The following MXRA5 variants were observed in gnomAD, a reference collection of about 807,000 sequenced individuals.
MXRA5 encodes the protein matrix-remodeling-associated protein 5.
A neutral mutation model predicts 112.5 loss-of-function variants in MXRA5; 41 were observed. The observed-to-expected ratio is 0.36, with a 90% CI of 0.28 to 0.47. MXRA5 has a LOEUF of 0.47. Among genes scored for constraint, MXRA5 ranks in the 20% least tolerant of loss-of-function variants. The pLI, the probability that MXRA5 is intolerant of heterozygous loss-of-function variation, is 0.99. For synonymous variants in MXRA5, 862 were observed against 900.8 expected (o/e 0.96, Z 0.77); for missense variants, 2,150 against 2,251.0 (o/e 0.96, Z 0.91).
Position 3,324,092 on chromosome X carries a change from C to A in MXRA5, c.1593G>T (p.Lys531Asn). Residue 531 changes from lysine to asparagine, a missense_variant, in exon 5 of 7, where the codon AAG (lysine) becomes AAT (asparagine). Around this residue, in one of 6 missense-constraint regions of MXRA5, gnomAD observed 386 missense variants for 411.0 expected, o/e 0.94. Transcript: ENST00000217939. ...LKAPMDDPDS[K>N]FSILSSGWLR... ...GCCAGCCACTGCTGAGAATGGAGAA[C>A]TTGCTGTCTGGGTCATCCATGGGCG... The A allele has an allele frequency of 1.7e-6, 2 of 1,209,455 alleles. No individual in the cohort carries two copies. The highest frequency in any genetic ancestry group is 2.2e-6 in the Non-Finnish European group (2 of 894,409).
At chrX:3,339,369 A>C (rs1186119597) in intron 2 of MXRA5, among the ~76,000 whole-genome samples, 5 of 110,691 alleles carry the variant, frequency 4.5e-5, no homozygotes, top group Admixed American at 2.9e-4. Flanking sequence ...GGTTCACGCC[A>C]TTCTCCTGCC....
intron 5 of MXRA5, among the ~76,000 whole-genome samples, chrX:3,319,052 A>G (rs1257458284): frequency 1.8e-5 from 2 of 110,901 alleles, no homozygotes; most frequent in Admixed American, 9.6e-5. Flanking sequence ...GGTGGTTACC[A>G]GGGGCTGGGG....
intron 5 of MXRA5, 62 bp from the exon 6 acceptor site, chrX:3,318,065 G>T: frequency 1.0e-6 from 1 of 954,284 alleles, no homozygotes. Flanking sequence ...ATGCTCAAAC[G>T]AGCAGTATTA....
chrX:3,346,092 C>T (rs757278318), intron 1 of MXRA5, among the ~76,000 whole-genome samples: 1 of 111,672 alleles, frequency 9.0e-6, no homozygotes, highest in South Asian at 3.8e-4. Flanking sequence ...GAAAGAGGCT[C>T]CTCAAGCGTC....
In MXRA5 at chrX:3,317,088, C is replaced by T. The variant is rs1329087306; in HGVS notation, c.6578+15G>A. 8.9e-7 allele frequency: 1 copy of T among 1,129,588 alleles called. No individual in the cohort carries two copies. 93.1% of individuals were successfully genotyped at this position (1,129,588 alleles called of 1,213,427 possible). A position where few individuals can be genotyped will look rare whatever the true frequency, so the allele number is the denominator to read the frequency against. On this transcript the variant is annotated intron_variant, in intron 6 of 6. Transcript: ENST00000217939. ...CAGCCCAGCGATTTACAGGAAGCCA[C>T]GCAGAGCTGCCTACCTGAAGAGCGC...
At chrX:3,319,335 G>A (rs989646960) in intron 5 of MXRA5, among the ~76,000 whole-genome samples, 3 of 112,490 alleles carry the variant, frequency 2.7e-5, no homozygotes, top group African/African-American at 9.7e-5. Context: ...AGCAAATGTG[G>A]GTTTAATAGA....
intron 2 of MXRA5, among the ~76,000 whole-genome samples, chrX:3,338,390 CAGAT>C (rs375943068): frequency 3.2e-3 from 349 of 108,972 alleles, no homozygotes; most frequent in African/African-American, 9.8e-3. Flanking sequence ...GATAGATAGA[CAGAT>C]AGATAGATAG....
intron 6 of MXRA5, among the ~76,000 whole-genome samples, chrX:3,315,417 AT>A (rs1921089856): frequency 1.6e-5 from 1 of 62,766 alleles, no homozygotes; most frequent in Non-Finnish European, 3.1e-5. Context: ...AGATAGATAG[AT>A]AGAACCTTTC....
chrX:3,320,635 G>T lies in MXRA5; in HGVS notation c.5050C>A (p.Pro1684Thr), dbSNP rs1381540891. ...GTTCTTCGGTCAGTAAACTTACTAG[G>T]AATGCTGGGTTTGGACATGTGCAAT... ...LPLHMSKPSI[P>T]SKFTDRRTDQ... Residue 1684 changes from proline (P) to threonine (T), a missense_variant, in exon 5 of 7, where the codon CCT becomes ACT. By Grantham distance (38) the Pro-to-Thr change is conservative. Transcript: ENST00000217939. 1 of 1,211,798 alleles carries T rather than the reference G, an allele frequency of 8.3e-7. No individual in the cohort carries two copies. The highest frequency in any genetic ancestry group is 1.1e-6 in the Non-Finnish European group (1 of 895,343).
chrX:3,337,208 G>A (rs961466270), intron 2 of MXRA5, among the ~76,000 whole-genome samples: 1 of 111,627 alleles, frequency 9.0e-6, no homozygotes, highest in Non-Finnish European at 1.9e-5. Flanking sequence ...AATATTCCGT[G>A]GTGGACAACT....
chrX:3,317,309 G>A lies in MXRA5; in HGVS notation c.6372C>T (p.Ala2124=), dbSNP rs761139599. Residue 2124 remains alanine, a synonymous_variant, in exon 6 of 7, where the codon GCC becomes GCT. Transcript: ENST00000217939. ...TGCGCGCGGAGCCTACCAGGTTGGC[G>A]GCCACGCACTCATAGCGCCCGCTGT... ...PKDSGRYECV[A]ANLVGSARRT... 1.7e-6 allele frequency: 2 copies of A among 1,205,231 alleles called. No individual in the cohort carries two copies. The highest frequency in any genetic ancestry group is 1.1e-6 in the Non-Finnish European group (1 of 891,659).
Position 3,323,319 on chromosome X carries a change from T to C in MXRA5, c.2366A>G (p.Lys789Arg). ...NPERWADILAKVRGKNLPKGT... is the reference protein window; with the variant it reads ...NPERWADILARVRGKNLPKGT... ...CTTAGGGAGATTTTTCCCACGGACT[T>C]TGGCTAAAATATCAGCCCAGCGCTC... The change falls in exon 5 of 7, where the codon AAA becomes AGA. Residue 789 changes from lysine (K) to arginine (R), a missense_variant. Physicochemically the swap from Lys to Arg is conservative, Grantham distance 26. Coordinates refer to ENST00000217939, the MANE Select transcript of MXRA5 (RefSeq NM_015419.4). 1 of 1,211,813 alleles carries C rather than the reference T, an allele frequency of 8.3e-7. No homozygotes were observed. The highest frequency in any genetic ancestry group is 1.1e-6 in the Non-Finnish European group (1 of 895,541).
rs1371383633 is a variant in MXRA5 at position 3,334,181 on chromosome X, C to T, written c.189-3408G>A. 9.9e-5 allele frequency among the ~76,000 whole-genome samples: 11 copies of T among 111,312 alleles called. 1 individual carries two copies. The Admixed American group carries it at 1.1e-3, about 11-fold the overall frequency. On this transcript the variant is annotated intron_variant, in intron 2 of 6. Coordinates refer to ENST00000217939, the MANE Select transcript of MXRA5 (RefSeq NM_015419.4). ...ATTTTTAGTAGAGATGGGGTTTCAC[C>T]ATGTTGCCCGAGCTGGTCTTGACCT...
Position 3,323,639 on chromosome X carries a change from G to A in MXRA5, c.2046C>T (p.Arg682=). The change falls in exon 5 of 7, where the codon CGC becomes CGT. Residue 682 remains arginine, a synonymous_variant. Transcript: ENST00000217939. ...GSGLPSKRGR[R]PGAKALSRVR... ...CTCTGGAAAGAGCCTTTGCACCTGG[G>A]CGTCTGCCTCTTTTGGATGGCAAGC... 5 of 1,210,761 alleles carry A rather than the reference G, an allele frequency of 4.1e-6. No individual in the cohort carries two copies. Among genetic ancestry groups the A allele is most frequent in the Non-Finnish European group, 5.6e-6 (5 of 894,968 alleles).
intron 2 of MXRA5, among the ~76,000 whole-genome samples, chrX:3,333,835 GCATT>G (rs968114736): frequency 2.7e-5 from 3 of 111,801 alleles, no homozygotes; most frequent in African/African-American, 9.8e-5. Context: ...AGAAAGAGGT[GCATT>G]TTTTCCAATC....
At chrX:3,315,399 A>AGAT (rs1555943441) in intron 6 of MXRA5, among the ~76,000 whole-genome samples, 2 of 50,370 alleles carry the variant, frequency 4.0e-5, no homozygotes, top group African/African-American at 1.4e-4. Context: ...GATGATAGAT[A>AGAT]GATAGATAGA....
At chrX:3,326,628 A>ACTTTTGAGTAAACT (rs1921517169) in intron 4 of MXRA5, among the ~76,000 whole-genome samples, 1 of 109,189 alleles carries the variant, frequency 9.2e-6, no homozygotes, top group Non-Finnish European at 1.9e-5. Context: ...CACTTCACAG[A>ACTTTTGAGTAAACT]GTGTTTGCTT....
chrX:3,323,626 C>G lies in MXRA5; in HGVS notation c.2059G>C (p.Ala687Pro), dbSNP rs1022261539. 4 of 1,209,067 alleles carry G rather than the reference C, an allele frequency of 3.3e-6. No homozygotes were observed. The highest frequency in any genetic ancestry group is 4.5e-6 in the Non-Finnish European group (4 of 894,823). ...ATGTCTTCTCTGACTCTGGAAAGAG[C>G]CTTTGCACCTGGGCGTCTGCCTCTT... Reference protein sequence around the residue: ...SKRGRRPGAKALSRVREDIVE... With the variant: ...SKRGRRPGAKPLSRVREDIVE... Residue 687 changes from alanine (A) to proline (P), a missense_variant, in exon 5 of 7, where the codon GCT becomes CCT. By Grantham distance (27) the Ala-to-Pro change is conservative (BLOSUM62 -1). Transcript: ENST00000217939.
chrX:3,343,723 G>T lies in MXRA5; in HGVS notation c.111C>A (p.Ser37Arg). The T allele has an allele frequency of 8.3e-7, 1 of 1,211,547 alleles. No homozygotes were observed. The highest frequency in any genetic ancestry group is 1.1e-6 in the Non-Finnish European group (1 of 895,399). ...GGGATCGGAACGTGCAGTGGACCTC[G>T]CTGGGGACGTAGCAGGCACAAGGAT... ...CPHPCACYVPSEVHCTFRSLA... is the reference protein window; with the variant it reads ...CPHPCACYVPREVHCTFRSLA... The change falls in exon 2 of 7, where the codon AGC becomes AGA. Residue 37 changes from serine to arginine, a missense_variant. Physicochemically the swap from Ser to Arg is moderately radical, Grantham distance 110. Transcript: ENST00000217939.
Sources: gnomAD v4.1 joint callset for allele counts (sites outside exome capture counted in the v4.1 genomes callset) on GRCh38, gnomAD v4.1.1 for gene constraint, gnomAD v4.1.1 regional missense constraint, MANE v1.5 for transcripts, NCBI Gene and HGNC (gene_info 2026-07-23, HGNC 2026-07-21) for gene names.